PC: variants seen among roughly 807,000 people sequenced by gnomAD.
PC encodes the protein pyruvate carboxylase, mitochondrial.
PC carries 46 observed loss-of-function variants against 107.8 expected under a neutral mutation model. That is an observed-to-expected ratio of 0.43 (90% CI 0.34 to 0.55). The LOEUF (loss-of-function observed/expected upper bound fraction) is 0.55. Ranked by LOEUF, PC falls within the 20% of genes least tolerant of loss-of-function variation. The pLI is 0.04. For missense variants in PC, 1,241 were observed against 1,643.1 expected (o/e 0.76, Z 4.23); for synonymous variants, 662 against 684.7 (o/e 0.97, Z 0.52).
At position 66,905,222 on chromosome 11, in the gene PC, T is replaced by G. The variant is rs373142987; in HGVS notation, c.1-33063A>C. On this transcript the variant is annotated intron_variant, in intron 3 of 22. Coordinates refer to ENST00000393960, the MANE Select transcript of PC (RefSeq NM_001040716.2). Reference sequence around the variant, plus strand: ...ATAGTGTGTGCAAAGGCACTGCTGTTAGAGAAAAGGGAGAGGAGGCAGGCC... The same window carrying G: ...ATAGTGTGTGCAAAGGCACTGCTGTGAGAGAAAAGGGAGAGGAGGCAGGCC... Among the ~76,000 whole-genome samples the G allele has an allele frequency of 9.8e-5, 15 of 152,290 alleles. 1 individual carries two copies. The highest frequency in any genetic ancestry group is 3.6e-4 in the African/African-American group (15 of 41,570).
intron 21 of PC, 105 bp from the exon 22 acceptor site, chr11:66,849,475 C>T: frequency 6.2e-7 from 1 of 1,602,698 alleles, no homozygotes; most frequent in South Asian, 1.1e-5. Context: ...CTCCTCGTTC[C>T]TAAAGGCCTA....
intron 12 of PC, among the ~76,000 whole-genome samples, chr11:66,861,367 G>A (rs1468118122): frequency 2.6e-5 from 4 of 152,246 alleles, no homozygotes; most frequent in Non-Finnish European, 4.4e-5. Flanking sequence ...TGGCACCCCA[G>A]GCCACGGCAA....
At chr11:66,860,744 G>C (rs879482812) in intron 12 of PC, 16 of 699,354 alleles carry the variant, frequency 2.3e-5, no homozygotes, top group South Asian at 1.8e-4. Flanking sequence ...CTGCCAGGTG[G>C]CGACAGGACG....
At chr11:66,932,448 C>T (rs1237284659) in intron 3 of PC, among the ~76,000 whole-genome samples, 2 of 152,102 alleles carry the variant, frequency 1.3e-5, no homozygotes, top group African/African-American at 4.8e-5. Context: ...CCATTCAAGC[C>T]CAGGGTTCCA....
chr11:66,879,000 G>A (rs78875515), intron 3 of PC, among the ~76,000 whole-genome samples: 2,347 of 152,260 alleles, frequency 0.015, 37 homozygotes, highest in South Asian at 0.042. Flanking sequence ...CCTGGGGGTC[G>A]ACTGAGACAG....
At chr11:66,894,924 A>C (rs1408574591) in intron 3 of PC, among the ~76,000 whole-genome samples, 1 of 151,672 alleles carries the variant, frequency 6.6e-6, no homozygotes, top group Non-Finnish European at 1.5e-5. Context: ...CAGGACGCTG[A>C]GGCAGGAGAA....
rs1268450746 is a variant in PC, at chr11:66,857,005, G to T, written c.1369-3622C>A. The T allele has an allele frequency of 6.8e-6, 1 of 146,854 alleles. No homozygotes were observed. Among genetic ancestry groups the T allele is most frequent in the Non-Finnish European group, 1.5e-5 (1 of 65,974 alleles). 9.1% of individuals were successfully genotyped at this position (146,854 alleles called of 1,614,324 possible). A position where few individuals can be genotyped will look rare whatever the true frequency, so the allele number is the denominator to read the frequency against. On this transcript the variant is annotated intron_variant, in intron 12 of 22. Coordinates refer to ENST00000393960, the MANE Select transcript of PC (RefSeq NM_001040716.2). This position sits in a 1 kb window ranked among gnomAD's most constrained non-coding sequence, Gnocchi z 7.1. The stretch of plus-strand genomic sequence containing the variant: ...TCAGGAGCCGGCCCGGGCCCGGGTG[G>T]ATCCCCGCGCGCCCCTCCCCGTCCG...
chr11:66,894,689 G>C (rs1016183195), intron 3 of PC, among the ~76,000 whole-genome samples: 3 of 152,152 alleles, frequency 2.0e-5, no homozygotes, highest in African/African-American at 7.2e-5. Flanking sequence ...TGGGCTGAAC[G>C]GGCTGCCGTG....
At position 66,858,842 on chromosome 11, in the gene PC, G is replaced by C. The variant is rs1461867357; in HGVS notation, c.1368+4932C>G. 1 of 1,551,764 alleles carries C rather than the reference G, an allele frequency of 6.4e-7. No individual in the cohort carries two copies. On this transcript the variant is annotated intron_variant, in intron 12 of 22. Transcript: ENST00000393960. This position sits in a 1 kb window ranked among gnomAD's most constrained non-coding sequence, Gnocchi z 5.9. Reference sequence around the variant, plus strand: ...GTGAGGCCACAGCCCGAGTAGAACTGCGGGTGCTGGCCTTGCCCCATGGTG... The same window carrying C: ...GTGAGGCCACAGCCCGAGTAGAACTCCGGGTGCTGGCCTTGCCCCATGGTG...
Position 66,851,901 on chromosome 11 carries a change from CA to C in PC, c.1870del (p.Trp624GlyfsTer124). 1.2e-6 allele frequency: 2 copies of C among 1,614,104 alleles called. No individual in the cohort carries two copies. The highest frequency in any genetic ancestry group is 1.7e-6 in the Non-Finnish European group (2 of 1,180,028). ...VAMRFLYECPWRRLQELRELI... is the reference protein window; with the variant it reads ...VAMRFLYECPXRRLQELRELI... ...CTCCCGGAGCTCCTGCAGCCGCCGC[CA>C]GGGGCACTCATACAGGAAGCGCATG... is the stretch of plus-strand genomic sequence containing the variant. On this transcript the variant is annotated frameshift_variant, in exon 16 of 23. Coordinates refer to ENST00000393960, the MANE Select transcript of PC (RefSeq NM_001040716.2). LOFTEE classifies it high-confidence loss of function.
chr11:66,911,137 T>C (rs1306243057), intron 3 of PC, among the ~76,000 whole-genome samples: 3 of 152,200 alleles, frequency 2.0e-5, no homozygotes, highest in Non-Finnish European at 4.4e-5. Context: ...CTTGTAATAA[T>C]AGCCTTAGTC....
Position 66,872,146 on chromosome 11 carries a change from C to T in PC, c.14G>A (p.Arg5Gln), listed in dbSNP as rs753072659. 20 of 1,581,652 alleles carry T rather than the reference C, an allele frequency of 1.3e-5. No homozygotes were observed. The highest frequency in any genetic ancestry group is 9.0e-5 in the Admixed American group (5 of 55,586). MLKF[R>Q]TVHGGLRLLG... The stretch of plus-strand genomic sequence containing the variant: ...GAGCCTCAGGCCCCCATGGACTGTT[C>T]GGAACTTCAGCATCTAGGGAGGGAA... The change falls in exon 4 of 23, where the codon CGA becomes CAA. Residue 5 changes from arginine (R) to glutamine (Q), a missense_variant. By Grantham distance (43) the Arg-to-Gln change is conservative. Transcript: ENST00000393960.
At chr11:66,851,317 C>T (rs1309227313) in intron 16 of PC, 37 bp from the exon 17 acceptor site, 3 of 1,599,344 alleles carry the variant, frequency 1.9e-6, no homozygotes, top group Non-Finnish European at 1.7e-6. Flanking sequence ...GAGCCCCACC[C>T]CACCTCCCTC....
At chr11:66,925,353 G>A (rs111955687) in intron 3 of PC, among the ~76,000 whole-genome samples, 4,117 of 152,220 alleles carry the variant, frequency 0.027, 86 homozygotes, top group Non-Finnish European at 0.043. Context: ...GGCTGCCCCC[G>A]AAGCGGCCAT....
chr11:66,853,278 G>T lies in PC; in HGVS notation c.1474C>A (p.Pro492Thr), dbSNP rs753739457. 70 of 1,613,958 alleles carry T rather than the reference G, an allele frequency of 4.3e-5. No individual in the cohort carries two copies. The highest frequency in any genetic ancestry group is 5.8e-5 in the Non-Finnish European group (68 of 1,180,006). ...DENPELFQLR[P>T]AQNRAQKLLH... ...AGCTTTTGGGCCCGGTTCTGTGCAG[G>T]CCGCAGCTGGAACAGCTCTGGGTTC... Residue 492 changes from proline (P) to threonine (T), a missense_variant, in exon 13 of 23, where the codon CCT (proline) becomes ACT (threonine). This residue lies in a region of PC where 1,143 missense variants were observed against 1,551.9 expected (regional missense o/e 0.74). Coordinates refer to ENST00000393960, the MANE Select transcript of PC (RefSeq NM_001040716.2).
intron 3 of PC, among the ~76,000 whole-genome samples, chr11:66,941,682 C>T (rs1029365531): frequency 2.0e-5 from 3 of 152,014 alleles, no homozygotes; most frequent in Non-Finnish European, 4.4e-5. Flanking sequence ...TTAGTAGAGA[C>T]GGGGTTTCAC....
Position 66,850,053 on chromosome 11 carries a change from G to A in PC, c.2782C>T (p.Arg928Trp), listed in dbSNP as rs748420246. The A allele has an allele frequency of 1.6e-5, 26 of 1,613,546 alleles. No homozygotes were observed. Among genetic ancestry groups the A allele is most frequent in the Non-Finnish European group, 2.1e-5 (25 of 1,180,024 alleles). ...AQFMVQNGLS[R>W]AEAEAQAEEL... Reference sequence around the variant, plus strand: ...TCCGCCTGAGCTTCGGCCTCTGCCCGGCTCAATCCATTCTGCACCATAAAC... The same window carrying A: ...TCCGCCTGAGCTTCGGCCTCTGCCCAGCTCAATCCATTCTGCACCATAAAC... The change falls in exon 20 of 23, where the codon CGG becomes TGG. Residue 928 changes from arginine (R) to tryptophan (W), a missense_variant. Physicochemically the swap from Arg to Trp is moderately radical, Grantham distance 101. This residue lies in a region of PC where 1,143 missense variants were observed against 1,551.9 expected (regional missense o/e 0.74). Transcript: ENST00000393960.
In PC at chr11:66,870,722, G is replaced by C; in HGVS notation, c.751+53C>G. On this transcript the variant is annotated intron_variant, in intron 8 of 22. Transcript: ENST00000393960. This position sits in a 1 kb window ranked among gnomAD's most constrained non-coding sequence, Gnocchi z 6.1. The stretch of plus-strand genomic sequence containing the variant: ...GCCACTGTGACGGCACCAGGACTGG[G>C]CCTCTCAGCTCCCGCCTCCAGCTGC... 1 of 1,510,232 alleles carries C rather than the reference G, an allele frequency of 6.6e-7. No individual in the cohort carries two copies. The highest frequency in any genetic ancestry group is 9.1e-7 in the Non-Finnish European group (1 of 1,093,750). The allele number at this position is 1,510,232 out of a possible 1,614,324, so 93.6% of individuals were successfully genotyped here.
chr11:66,907,772 CCTACCCAGGACAAAGTGCCT>C (rs1948211418), intron 3 of PC: 1 of 152,316 alleles, frequency 6.6e-6, no homozygotes, highest in African/African-American at 2.4e-5. Flanking sequence ...TGTGGGCACC[CCTACCCAGGACAAAGTGCCT>C]AGAGGCCTCT....
Sources: allele counts gnomAD v4.1 joint callset (sites outside exome capture counted in the v4.1 genomes callset), GRCh38; gene constraint gnomAD v4.1.1; regional missense constraint gnomAD v4.1.1; non-coding constraint Gnocchi (gnomAD v3.1); transcripts MANE v1.5; gene names NCBI Gene and HGNC (gene_info 2026-07-23, HGNC 2026-07-21).